STEAP1B: variants seen among roughly 807,000 people sequenced by gnomAD.
STEAP1B encodes the protein STEAP family protein MGC87042.
STEAP1B carries 13 observed loss-of-function variants against 27.9 expected under a neutral mutation model. The ratio of observed to expected loss-of-function variants is 0.47; its 90% CI spans 0.30 to 0.74. The LOEUF (loss-of-function observed/expected upper bound fraction) is 0.74. Among genes scored for constraint, STEAP1B ranks in the 30% least tolerant of loss-of-function variants. The pLI is 0.06. For synonymous variants in STEAP1B, 86 were observed against 107.1 expected (o/e 0.80, Z 1.22); for missense variants, 250 against 298.7 (o/e 0.84, Z 1.20).
In STEAP1B at chr7:22,419,585, C is replaced by A. The variant is rs1785019126; in HGVS notation, c.*219G>T. The A allele has an allele frequency of 4.8e-6, 2 of 415,066 alleles. No homozygotes were observed. The highest frequency in any genetic ancestry group is 4.2e-5 in the Admixed American group (1 of 23,816). 25.7% of individuals were successfully genotyped at this position (415,066 alleles called of 1,614,324 possible). A position where few individuals can be genotyped will look rare whatever the true frequency, so the allele number is the denominator to read the frequency against. On this transcript the variant is annotated 3_prime_UTR_variant, in exon 5 of 5. Transcript: ENST00000678116. ...AACCAACACAATCTCAGTGGATTAG[C>A]ACAACACATATGGACTTTTTGTTTG...
At chr7:22,471,508 C>CCAT (rs1382948410) in intron 4 of STEAP1B, among the ~76,000 whole-genome samples, 17 of 152,150 alleles carry the variant, frequency 1.1e-4, no homozygotes, top group African/African-American at 4.1e-4. Context: ...TTTTCACCTA[C>CCAT]CAGATATTTG....
chr7:22,444,405 T>C (rs1423682781), intron 4 of STEAP1B, among the ~76,000 whole-genome samples: 1 of 150,052 alleles, frequency 6.7e-6, no homozygotes, highest in Non-Finnish European at 1.5e-5. Context: ...GTCCTTCTAT[T>C]TTGCCTGTTT....
chr7:22,446,857 A>G (rs1474126969), intron 4 of STEAP1B, among the ~76,000 whole-genome samples: 1 of 152,200 alleles, frequency 6.6e-6, no homozygotes, highest in East Asian at 1.9e-4. Flanking sequence ...AAGAGTAATG[A>G]GACAGTATCT....
At chr7:22,433,643 G>C (rs886325866) in intron 4 of STEAP1B, among the ~76,000 whole-genome samples, 2 of 152,220 alleles carry the variant, frequency 1.3e-5, no homozygotes, top group Non-Finnish European at 2.9e-5. Context: ...TATTGGGCAG[G>C]AAAGATTGCA....
chr7:22,464,908 C>T (rs1307065958), intron 4 of STEAP1B, among the ~76,000 whole-genome samples: 2 of 106,752 alleles, frequency 1.9e-5, no homozygotes, highest in African/African-American at 6.3e-5. Context: ...TGCTCCAAGA[C>T]CCCCAGTGGA....
intron 1 of STEAP1B, among the ~76,000 whole-genome samples, chr7:22,497,237 G>A (rs966849812): frequency 6.6e-6 from 1 of 152,224 alleles, no homozygotes; most frequent in Non-Finnish European, 1.5e-5. Flanking sequence ...AAGTGGAAGA[G>A]AGAGATGAGA....
At chr7:22,456,721 G>A (rs1785584258) in intron 4 of STEAP1B, among the ~76,000 whole-genome samples, 1 of 151,696 alleles carries the variant, frequency 6.6e-6, no homozygotes, top group South Asian at 2.1e-4. Context: ...CAATCCTTTC[G>A]AGATGAAAAC....
intron 4 of STEAP1B, among the ~76,000 whole-genome samples, chr7:22,479,420 C>G (rs1013073556): frequency 4.6e-5 from 7 of 152,208 alleles, no homozygotes; most frequent in Admixed American, 2.6e-4. Context: ...ACTCTAATAA[C>G]TAATTCTTTC....
intron 1 of STEAP1B, among the ~76,000 whole-genome samples, chr7:22,495,197 C>T (rs1786418375): frequency 6.6e-6 from 1 of 152,178 alleles, no homozygotes; most frequent in African/African-American, 2.4e-5. Flanking sequence ...TTCAGGTTTC[C>T]ATCTGGAGGA....
At chr7:22,487,155 C>T (rs751953294) in intron 4 of STEAP1B, among the ~76,000 whole-genome samples, 36 of 152,172 alleles carry the variant, frequency 2.4e-4, no homozygotes, top group Non-Finnish European at 2.2e-4. Flanking sequence ...AGGACACAGC[C>T]AGGTGCAGTG....
At chr7:22,424,234 A>T (rs1286166847) in intron 4 of STEAP1B, among the ~76,000 whole-genome samples, 2 of 152,278 alleles carry the variant, frequency 1.3e-5, no homozygotes, top group East Asian at 3.9e-4. Context: ...ACAAAGAATA[A>T]ATTGACAATA....
In STEAP1B at chr7:22,493,668, T is replaced by G; in HGVS notation, c.253A>C (p.Thr85Pro). 2 of 1,613,990 alleles carry G rather than the reference T, an allele frequency of 1.2e-6. No individual in the cohort carries two copies. The highest frequency in any genetic ancestry group is 1.3e-5 in the African/African-American group (1 of 75,040). The change falls in exon 3 of 5, where the codon ACT becomes CCT. Residue 85 changes from threonine to proline, a missense_variant. Transcript: ENST00000678116. ...IKIAAVMASL[T>P]FLYTLLREVI... The stretch of plus-strand genomic sequence containing the variant: ...TCCCTCAGAAGAGTGTAAAGAAAAG[T>G]CAGAGATGCCATAACAGCAGCTATT...
rs1169127981 is a variant in STEAP1B, at chr7:22,436,194, T to C, written c.763-16358A>G. Among the ~76,000 whole-genome samples the C allele has an allele frequency of 3.6e-5, 5 of 138,138 alleles. No individual in the cohort carries two copies. In the South Asian group the frequency reaches 9.3e-4, roughly 26 times the overall value. 90.6% of individuals were successfully genotyped at this position (138,138 alleles called of 152,430 possible). ...ACAGAGAAATCATTTTTTTCCACTT[T>C]TCATACTTTTTTAAAAAAATCAACT... is the stretch of plus-strand genomic sequence containing the variant. On this transcript the variant is annotated intron_variant, in intron 4 of 4. Transcript: ENST00000678116.
At chr7:22,467,825 A>G (rs1387061001) in intron 4 of STEAP1B, among the ~76,000 whole-genome samples, 21 of 152,156 alleles carry the variant, frequency 1.4e-4, no homozygotes, top group Non-Finnish European at 2.9e-5. Flanking sequence ...AAAATGGACT[A>G]ATACAAATAC....
At chr7:22,440,941 A>C (rs1036499683) in intron 4 of STEAP1B, among the ~76,000 whole-genome samples, 2 of 150,506 alleles carry the variant, frequency 1.3e-5, no homozygotes, top group Admixed American at 1.3e-4. Context: ...TTCTATTTTA[A>C]AAAGTAGAAT....
chr7:22,464,949 A>ATATATATATATATATATATATG (rs377200660), intron 4 of STEAP1B, among the ~76,000 whole-genome samples: 2 of 47,950 alleles, frequency 4.2e-5, no homozygotes, highest in South Asian at 1.4e-3. Context: ...ACCAAACCCC[A>ATATATATATATATATATATATG]TATATATATA....
chr7:22,434,010 A>T (rs1785223351), intron 4 of STEAP1B, among the ~76,000 whole-genome samples: 1 of 152,150 alleles, frequency 6.6e-6, no homozygotes, highest in African/African-American at 2.4e-5. Context: ...CCACCCAGGG[A>T]TGTGCATCTG....
intron 4 of STEAP1B, among the ~76,000 whole-genome samples, chr7:22,449,008 T>G (rs1785446988): frequency 6.6e-6 from 1 of 152,160 alleles, no homozygotes; most frequent in African/African-American, 2.4e-5. Context: ...AAGTTTTTAA[T>G]TTAGGGGTAT....
At chr7:22,499,879 C>T (rs1786505581) in intron 1 of STEAP1B, among the ~76,000 whole-genome samples, 1 of 152,230 alleles carries the variant, frequency 6.6e-6, no homozygotes, top group Non-Finnish European at 1.5e-5. Context: ...TCCCTGGCTC[C>T]CCCCAGCCCC....
Sources: allele counts gnomAD v4.1 joint callset (sites outside exome capture counted in the v4.1 genomes callset), GRCh38; gene constraint gnomAD v4.1.1; transcripts MANE v1.5; gene names NCBI Gene and HGNC (gene_info 2026-07-23, HGNC 2026-07-21).